ARHGAP15: variants seen among roughly 807,000 people sequenced by gnomAD.
The protein encoded by ARHGAP15 is Rho GTPase activating protein 15.
ARHGAP15 carries 51 observed loss-of-function variants against 63.7 expected under a neutral mutation model. That is an observed-to-expected ratio of 0.80 (90% CI 0.64 to 1.01). The LOEUF is 1.01. Ranked by LOEUF, ARHGAP15 falls within the 50% of genes least tolerant of loss-of-function variation. The pLI is 0.00. For synonymous variants in ARHGAP15, 191 were observed against 193.8 expected (o/e 0.99, Z 0.12); for missense variants, 560 against 564.6 (o/e 0.99, Z 0.08).
chr2:143,514,477 CT>C (rs1207244223), intron 9 of ARHGAP15, among the ~76,000 whole-genome samples: 3 of 152,078 alleles, frequency 2.0e-5, no homozygotes, highest in South Asian at 2.1e-4. Flanking sequence ...AAATTTAGAA[CT>C]TTTTTTTCTG....
rs552854257 is a variant in ARHGAP15, at chr2:143,670,730, G to C, written c.1139-32689G>C. On this transcript the variant is annotated intron_variant, in intron 12 of 13. Transcript: ENST00000295095. Reference sequence around the variant, plus strand: ...TTATTCCATCATCAGGTCCACTGCAGGCAACAGAACATGCCCTGGCCTGTT... The same window carrying C: ...TTATTCCATCATCAGGTCCACTGCACGCAACAGAACATGCCCTGGCCTGTT... Among the ~76,000 whole-genome samples, 6 of 152,248 alleles carry C rather than the reference G, an allele frequency of 3.9e-5. No individual in the cohort carries two copies. The South Asian group carries it at 1.2e-3, about 32-fold the overall frequency.
At chr2:143,143,732 G>C (rs1004134372) in intron 1 of ARHGAP15, among the ~76,000 whole-genome samples, 1 of 151,738 alleles carries the variant, frequency 6.6e-6, no homozygotes, top group Non-Finnish European at 1.5e-5. Flanking sequence ...AAAAGCAATG[G>C]AACTGAAATT....
intron 2 of ARHGAP15, among the ~76,000 whole-genome samples, chr2:143,174,161 T>C (rs1318226954): frequency 6.6e-6 from 1 of 152,130 alleles, no homozygotes; most frequent in Non-Finnish European, 1.5e-5. Context: ...GGATTATATA[T>C]TATATTAATT....
intron 6 of ARHGAP15, among the ~76,000 whole-genome samples, chr2:143,318,509 C>CTTT (rs535910161): frequency 0.012 from 659 of 55,630 alleles, 110 homozygotes; most frequent in African/African-American, 0.02. Context: ...GATTAAGGGC[C>CTTT]TTTTTTTTTT....
intron 6 of ARHGAP15, among the ~76,000 whole-genome samples, chr2:143,294,401 T>C (rs1051747981): frequency 2.9e-4 from 44 of 152,146 alleles, no homozygotes; most frequent in African/African-American, 1.0e-3. Context: ...AAGCCCAAAA[T>C]AGATAATGGT....
At chr2:143,235,906 A>T (rs1435503670) in intron 5 of ARHGAP15, 6 of 1,528,316 alleles carry the variant, frequency 3.9e-6, no homozygotes, top group Non-Finnish European at 5.3e-6. Context: ...CTTCATTTGC[A>T]GCTTGACTCC....
intron 6 of ARHGAP15, among the ~76,000 whole-genome samples, chr2:143,269,171 C>T (rs1681146202): frequency 2.0e-5 from 3 of 152,090 alleles, no homozygotes; most frequent in African/African-American, 7.2e-5. Context: ...TAAAGTAATG[C>T]TTCTCAAACT....
In ARHGAP15 at chr2:143,642,519, C is replaced by T. The variant is rs564039401; in HGVS notation, c.1138+18252C>T. Among the ~76,000 whole-genome samples, 4 of 152,062 alleles carry T rather than the reference C, an allele frequency of 2.6e-5. No individual in the cohort carries two copies. The South Asian group carries it at 8.3e-4, about 31-fold the overall frequency. On this transcript the variant is annotated intron_variant, in intron 12 of 13. Coordinates refer to ENST00000295095, the MANE Select transcript of ARHGAP15 (RefSeq NM_018460.4). ...GAACCATTGATTTTGGTTCTTTTTC[C>T]TTGGTGAAGCCAAATAAGAGGAGAG...
chr2:143,587,843 A>C (rs1254625206), intron 11 of ARHGAP15: 1 of 450,240 alleles, frequency 2.2e-6, no homozygotes, highest in Non-Finnish European at 4.6e-6. Flanking sequence ...AAGTTTTTTG[A>C]GATACAATCC....
chr2:143,339,885 C>G (rs1558905204), intron 6 of ARHGAP15, among the ~76,000 whole-genome samples: 1 of 152,144 alleles, frequency 6.6e-6, no homozygotes, highest in African/African-American at 2.4e-5. Flanking sequence ...GTGAAACTCT[C>G]TGAAGAATAT....
intron 12 of ARHGAP15, among the ~76,000 whole-genome samples, chr2:143,657,960 C>CCTAT (rs1681543688): frequency 6.6e-6 from 1 of 152,238 alleles, no homozygotes; most frequent in Non-Finnish European, 1.5e-5. Flanking sequence ...ACAGTTCTCT[C>CCTAT]CTATCTTTCA....
intron 9 of ARHGAP15, among the ~76,000 whole-genome samples, chr2:143,505,297 G>GA (rs1434391957): frequency 1.3e-5 from 2 of 152,114 alleles, no homozygotes; most frequent in East Asian, 3.9e-4. Flanking sequence ...CCAGTAGCTG[G>GA]AAACATAACT....
chr2:143,223,222 C>T (rs938478799), intron 4 of ARHGAP15, among the ~76,000 whole-genome samples: 4 of 152,186 alleles, frequency 2.6e-5, no homozygotes, highest in Non-Finnish European at 4.4e-5. Flanking sequence ...GATCAACCTG[C>T]CTCAGCCTCC....
intron 6 of ARHGAP15, among the ~76,000 whole-genome samples, chr2:143,337,623 A>G (rs914215447): frequency 7.9e-5 from 12 of 152,146 alleles, no homozygotes; most frequent in Non-Finnish European, 1.2e-4. Flanking sequence ...ATTTTTAGGA[A>G]TTTAACACCT....
intron 12 of ARHGAP15, among the ~76,000 whole-genome samples, chr2:143,672,563 AC>A (rs961423338): frequency 1.3e-5 from 2 of 152,186 alleles, no homozygotes; most frequent in Admixed American, 6.5e-5. Context: ...CTCGAGTTAA[AC>A]TGGTTCAATT....
chr2:143,245,365 C>G (rs1323721837), intron 5 of ARHGAP15, among the ~76,000 whole-genome samples: 2 of 152,190 alleles, frequency 1.3e-5, no homozygotes, highest in Non-Finnish European at 2.9e-5. Context: ...CAGAATCTAA[C>G]AGTGCAGAGT....
intron 8 of ARHGAP15, among the ~76,000 whole-genome samples, chr2:143,446,202 T>C (rs898954279): frequency 1.3e-5 from 2 of 150,388 alleles, no homozygotes; most frequent in Non-Finnish European, 3.0e-5. Flanking sequence ...CTAAAAAGAT[T>C]ATATATGTAT....
chr2:143,543,066 G>A (rs1205156518), intron 10 of ARHGAP15, among the ~76,000 whole-genome samples: 1 of 151,646 alleles, frequency 6.6e-6, no homozygotes, highest in Non-Finnish European at 1.5e-5. Context: ...ACCCAGTGGT[G>A]GGATTGCTGG....
At chr2:143,471,510 TA>T (rs1251188506) in intron 8 of ARHGAP15, among the ~76,000 whole-genome samples, 1 of 151,630 alleles carries the variant, frequency 6.6e-6, no homozygotes. Context: ...TTTAGCAAAG[TA>T]AAAACAAAAA....
Sources: allele counts gnomAD v4.1 joint callset (sites outside exome capture counted in the v4.1 genomes callset), GRCh38; gene constraint gnomAD v4.1.1; transcripts MANE v1.5; gene names NCBI Gene and HGNC (gene_info 2026-07-23, HGNC 2026-07-21).